The following SYT10 variants were observed in gnomAD, a reference collection of about 807,000 sequenced individuals.
SYT10 encodes the protein synaptotagmin-10.
SYT10 carries 31 observed loss-of-function variants against 51.1 expected under a neutral mutation model. The ratio of observed to expected loss-of-function variants is 0.61; its 90% CI spans 0.46 to 0.82. The LOEUF is 0.82. Ranked by LOEUF, SYT10 falls within the 40% of genes least tolerant of loss-of-function variation. The pLI is 0.00. For missense variants in SYT10, 603 were observed against 634.0 expected (o/e 0.95, Z 0.53); for synonymous variants, 233 against 225.9 (o/e 1.03, Z -0.28).
intron 3 of SYT10, among the ~76,000 whole-genome samples, chr12:33,397,843 A>C (rs1349453497): frequency 6.6e-6 from 1 of 152,152 alleles, no homozygotes; most frequent in Non-Finnish European, 1.5e-5. Context: ...CCCAGGCAGA[A>C]ACAGGGACAA....
At chr12:33,385,458 T>A (rs909198380) in intron 3 of SYT10, among the ~76,000 whole-genome samples, 167 bp from the exon 4 acceptor site, 53 of 152,182 alleles carry the variant, frequency 3.5e-4, no homozygotes, top group Non-Finnish European at 1.0e-4. Context: ...AAAGAGTGTA[T>A]CCCAGTTGCT....
At chr12:33,398,910 T>C (rs1175877161) in intron 3 of SYT10, among the ~76,000 whole-genome samples, 1 of 152,174 alleles carries the variant, frequency 6.6e-6, no homozygotes, top group Non-Finnish European at 1.5e-5. Flanking sequence ...CATACAGAGA[T>C]AAGTGACACA....
chr12:33,384,367 T>A (rs1427410719), intron 4 of SYT10, among the ~76,000 whole-genome samples: 1 of 152,108 alleles, frequency 6.6e-6, no homozygotes, highest in East Asian at 1.9e-4. Flanking sequence ...CAAATTTAGG[T>A]TTTGTTGTTG....
chr12:33,417,031 T>C (rs146157467), intron 2 of SYT10, among the ~76,000 whole-genome samples: 21 of 152,246 alleles, frequency 1.4e-4, no homozygotes, highest in Admixed American at 2.6e-4. Flanking sequence ...TTTGCTTCAA[T>C]TTTCTTAGTA....
chr12:33,428,176 T>G (rs1464676165), intron 1 of SYT10, among the ~76,000 whole-genome samples: 2 of 152,344 alleles, frequency 1.3e-5, no homozygotes. Context: ...TGTGACTCAG[T>G]TTTGCTCGTA....
chr12:33,425,552 T>C (rs772460100), intron 2 of SYT10, among the ~76,000 whole-genome samples: 37 of 152,172 alleles, frequency 2.4e-4, no homozygotes, highest in Admixed American at 1.4e-3. Flanking sequence ...CCCATGATAT[T>C]TGGCCTCTTG....
chr12:33,385,637 C>T (rs535100645), intron 3 of SYT10, among the ~76,000 whole-genome samples: 1 of 152,264 alleles, frequency 6.6e-6, no homozygotes, highest in East Asian at 1.9e-4. Context: ...AGCCAAAAAC[C>T]CAGTAGTGAC....
rs1214014303 is a variant in SYT10 at position 33,374,716 on chromosome 12, A to G, written c.*2114T>C. 1.3e-5 allele frequency: 2 copies of G among 151,940 alleles called. No homozygotes were observed. The highest frequency in any genetic ancestry group is 2.9e-5 in the Non-Finnish European group (2 of 67,876). 9.4% of individuals were successfully genotyped at this position (151,940 alleles called of 1,614,324 possible). On this transcript the variant is annotated 3_prime_UTR_variant, in exon 7 of 7. Transcript: ENST00000228567. Reference sequence around the variant, plus strand: ...GAAACATTTAAAAAATTCTTTTAAAACTTATTTTAATCTACAATTCCCATA... The same window carrying G: ...GAAACATTTAAAAAATTCTTTTAAAGCTTATTTTAATCTACAATTCCCATA...
At chr12:33,438,541 C>G (rs1866656470) in intron 1 of SYT10, among the ~76,000 whole-genome samples, 1 of 152,168 alleles carries the variant, frequency 6.6e-6, no homozygotes, top group African/African-American at 2.4e-5. Context: ...GGAAAATCCA[C>G]TTGAGACTTT....
intron 3 of SYT10, among the ~76,000 whole-genome samples, chr12:33,404,679 A>G (rs1187669741): frequency 1.3e-5 from 2 of 152,186 alleles, no homozygotes; most frequent in African/African-American, 4.8e-5. Context: ...GGCATGAGCC[A>G]CCACACCTGG....
At chr12:33,437,504 G>A (rs1187189817) in intron 1 of SYT10, among the ~76,000 whole-genome samples, 1 of 152,100 alleles carries the variant, frequency 6.6e-6, no homozygotes, top group Admixed American at 6.5e-5. Context: ...TTCAGAGCTG[G>A]GATTTGGTTT....
chr12:33,377,384 G>C (rs1866072461), intron 6 of SYT10, among the ~76,000 whole-genome samples: 1 of 151,308 alleles, frequency 6.6e-6, no homozygotes, highest in Non-Finnish European at 1.5e-5. Context: ...TGTTGGCCAG[G>C]CTGGTTTACT....
intron 1 of SYT10, among the ~76,000 whole-genome samples, chr12:33,427,830 A>C (rs993878885): frequency 3.9e-5 from 6 of 152,220 alleles, no homozygotes; most frequent in Non-Finnish European, 2.9e-5. Context: ...GTCATCAAAA[A>C]ATTTTAAATG....
intron 6 of SYT10, 100 bp from the exon 7 acceptor site, chr12:33,377,001 G>T: frequency 3.2e-6 from 4 of 1,231,764 alleles, no homozygotes; most frequent in South Asian, 1.3e-5. Context: ...ACCATAATAT[G>T]CGAATCTCTG....
At chr12:33,394,514 A>G (rs1866237299) in intron 3 of SYT10, among the ~76,000 whole-genome samples, 1 of 152,226 alleles carries the variant, frequency 6.6e-6, no homozygotes, top group African/African-American at 2.4e-5. Context: ...TGTTTTCTCT[A>G]TGTGCAACAT....
At chr12:33,422,279 G>T (rs1355267192) in intron 2 of SYT10, among the ~76,000 whole-genome samples, 1 of 151,952 alleles carries the variant, frequency 6.6e-6, no homozygotes, top group Non-Finnish European at 1.5e-5. Flanking sequence ...TTACTGAAGT[G>T]CCACTTAATG....
chr12:33,426,090 A>ATG, intron 2 of SYT10, 48 bp downstream of exon 2: 1 of 1,509,576 alleles, frequency 6.6e-7, no homozygotes, highest in Non-Finnish European at 8.9e-7. Context: ...ACACACACAC[A>ATG]CACACACACG....
At chr12:33,435,501 T>C (rs1866631409) in intron 1 of SYT10, among the ~76,000 whole-genome samples, 1 of 152,178 alleles carries the variant, frequency 6.6e-6, no homozygotes, top group Non-Finnish European at 1.5e-5. Flanking sequence ...AAAAATATCC[T>C]CTTATATATT....
At chr12:33,427,464 T>C (rs1866562505) in intron 1 of SYT10, among the ~76,000 whole-genome samples, 1 of 152,072 alleles carries the variant, frequency 6.6e-6, no homozygotes, top group African/African-American at 2.4e-5. Flanking sequence ...TTCTTAAGGA[T>C]GGGGGTGGGT....
Sources: gnomAD v4.1 joint callset for allele counts (sites outside exome capture counted in the v4.1 genomes callset) on GRCh38, gnomAD v4.1.1 for gene constraint, MANE v1.5 for transcripts, NCBI Gene and HGNC (gene_info 2026-07-23, HGNC 2026-07-21) for gene names.